RYR2: variants seen among roughly 807,000 people sequenced by gnomAD.
RYR2 encodes the protein ryanodine receptor 2.
In RYR2, 227 loss-of-function variants were observed where a neutral mutation model predicts 601.1. The observed-to-expected ratio is 0.38, with a 90% CI of 0.34 to 0.42. RYR2 has a LOEUF of 0.42. Ranked by LOEUF, RYR2 falls within the 10% of genes least tolerant of loss-of-function variation. RYR2 has a pLI of 1.00. For synonymous variants in RYR2, 2,223 were observed against 2,175.1 expected, an observed-to-expected ratio of 1.02 and a Z score of -0.61; for missense variants, 4,646 against 6,156.5, an observed-to-expected ratio of 0.75 and a Z score of 8.21.
At chr1:237,406,172 T>C (rs143757814) in intron 10 of RYR2, among the ~76,000 whole-genome samples, 896 of 17,936 alleles carry the variant, frequency 0.05, 29 homozygotes, top group Non-Finnish European at 0.063. Flanking sequence ...TCCCTTCCCT[T>C]CCCTCCCCTC....
intron 1 of RYR2, among the ~76,000 whole-genome samples, chr1:237,245,034 G>A (rs1036509120): frequency 4.0e-5 from 6 of 150,054 alleles, no homozygotes; most frequent in African/African-American, 7.3e-5. Context: ...ATAGTGAGAC[G>A]CTGTCTCTAA....
chr1:237,125,335 CCGTGTGAGT>C (rs888439815), intron 1 of RYR2, among the ~76,000 whole-genome samples: 1 of 151,580 alleles, frequency 6.6e-6, no homozygotes, highest in African/African-American at 2.4e-5. Context: ...ATCTGCTGAG[CCGTGTGAGT>C]TTGGTGTGCT....
intron 2 of RYR2, among the ~76,000 whole-genome samples, chr1:237,308,420 C>G (rs1694117758): frequency 6.6e-6 from 1 of 152,184 alleles, no homozygotes. Flanking sequence ...TTGCTTTGCA[C>G]TGCGCACTCA....
At chr1:237,771,808 C>T (rs1432388592) in intron 85 of RYR2, among the ~76,000 whole-genome samples, 1 of 152,082 alleles carries the variant, frequency 6.6e-6, no homozygotes, top group Non-Finnish European at 1.5e-5. Flanking sequence ...GAATATTGAT[C>T]ATCAATGGAG....
At chr1:237,269,262 C>T (rs911009479) in intron 1 of RYR2, among the ~76,000 whole-genome samples, 5 of 151,578 alleles carry the variant, frequency 3.3e-5, no homozygotes, top group Non-Finnish European at 5.9e-5. Context: ...AGGCTGGTCT[C>T]GAACTCCCAA....
intron 27 of RYR2, among the ~76,000 whole-genome samples, chr1:237,559,613 C>G (rs1671255534): frequency 6.6e-6 from 1 of 152,270 alleles, no homozygotes; most frequent in East Asian, 1.9e-4. Flanking sequence ...AAATACCTAA[C>G]TTAAAGTCTT....
intron 18 of RYR2, among the ~76,000 whole-genome samples, chr1:237,492,669 T>C (rs1464672845): frequency 3.3e-5 from 5 of 151,966 alleles, no homozygotes; most frequent in Non-Finnish European, 5.9e-5. Context: ...AGCAATACCC[T>C]GTCTTTACAA....
intron 11 of RYR2, among the ~76,000 whole-genome samples, chr1:237,419,254 T>C (rs1237658635): frequency 1.3e-5 from 2 of 152,066 alleles, no homozygotes; most frequent in Admixed American, 6.6e-5. Context: ...TAAAGAAATA[T>C]TTATCTTTTT....
At chr1:237,818,982 G>GAA in intron 100 of RYR2, 54 bp from the exon 101 acceptor site, 1 of 1,489,962 alleles carries the variant, frequency 6.7e-7, no homozygotes, top group Non-Finnish European at 9.1e-7. Flanking sequence ...GGTTTGTCGA[G>GAA]AAAAAAAAAT....
intron 1 of RYR2, among the ~76,000 whole-genome samples, chr1:237,111,113 T>A (rs1369324657): frequency 6.6e-6 from 1 of 152,212 alleles, no homozygotes; most frequent in Non-Finnish European, 1.5e-5. Context: ...TAAATGAATA[T>A]CTGTTTGGTA....
chr1:237,576,024 ATC>A (rs1673185721), intron 29 of RYR2, among the ~76,000 whole-genome samples: 1 of 152,214 alleles, frequency 6.6e-6, no homozygotes, highest in African/African-American at 2.4e-5. Context: ...GTAGCTAGGT[ATC>A]TCTCTAACAG....
chr1:237,811,909 TG>T (rs1311525548), intron 100 of RYR2, among the ~76,000 whole-genome samples: 2 of 152,234 alleles, frequency 1.3e-5, no homozygotes, highest in Non-Finnish European at 2.9e-5. Context: ...CTGATGTTCA[TG>T]GTTGTTCATC....
chr1:237,472,368 T>C (rs1558876184), intron 17 of RYR2, among the ~76,000 whole-genome samples: 3 of 152,206 alleles, frequency 2.0e-5, no homozygotes, highest in Admixed American at 1.3e-4. Flanking sequence ...TTAATTGTCT[T>C]CCTGGGATCT....
chr1:237,424,542 T>C (rs1013785891), intron 12 of RYR2, among the ~76,000 whole-genome samples: 1 of 152,218 alleles, frequency 6.6e-6, no homozygotes, highest in African/African-American at 2.4e-5. Context: ...GTATAATATA[T>C]TCAAAACAAG....
At chr1:237,515,891 C>T (rs1007007656) in intron 24 of RYR2, among the ~76,000 whole-genome samples, 1 of 144,958 alleles carries the variant, frequency 6.9e-6, no homozygotes, top group Non-Finnish European at 1.5e-5. Flanking sequence ...TTCTCCTCCT[C>T]CCTCTTCTCC....
intron 24 of RYR2, among the ~76,000 whole-genome samples, chr1:237,526,487 C>T (rs1004662097): frequency 6.6e-6 from 1 of 152,024 alleles, no homozygotes; most frequent in Non-Finnish European, 1.5e-5. Context: ...GCTGGGGCCA[C>T]AGATGTGTGC....
chr1:237,420,098 T>G (rs958843215), intron 11 of RYR2, among the ~76,000 whole-genome samples: 1 of 152,190 alleles, frequency 6.6e-6, no homozygotes, highest in Non-Finnish European at 1.5e-5. Flanking sequence ...TTATACTGCA[T>G]ACTCTTACAC....
intron 3 of RYR2, among the ~76,000 whole-genome samples, chr1:237,332,824 G>C (rs182333464): frequency 6.6e-6 from 1 of 152,148 alleles, no homozygotes; most frequent in Non-Finnish European, 1.5e-5. Flanking sequence ...TTGAAATATA[G>C]GAAGTAATTT....
intron 66 of RYR2, 55 bp from the exon 67 acceptor site, chr1:237,705,158 C>G: frequency 1.3e-6 from 2 of 1,517,700 alleles, no homozygotes; most frequent in South Asian, 2.4e-5. Context: ...TGTAATATGA[C>G]TTTTTTAGTT....
Sources: allele counts gnomAD v4.1 joint callset (sites outside exome capture counted in the v4.1 genomes callset), GRCh38; gene constraint gnomAD v4.1.1; transcripts MANE v1.5; gene names NCBI Gene and HGNC (gene_info 2026-07-23, HGNC 2026-07-21).